PARD3: variants seen among roughly 807,000 people sequenced by gnomAD.
PARD3 encodes the protein par-3 family cell polarity regulator.
PARD3 carries 75 observed loss-of-function variants against 155.4 expected under a neutral mutation model. The observed-to-expected ratio is 0.48, with a 90% CI of 0.40 to 0.58. The LOEUF (loss-of-function observed/expected upper bound fraction) is 0.58, where lower values mean the gene tolerates loss of function less well. Ranked by LOEUF, PARD3 falls within the 20% of genes least tolerant of loss-of-function variation. The pLI is 0.00. For synonymous variants in PARD3, 576 were observed against 610.5 expected, an observed-to-expected ratio of 0.94 and a Z score of 0.83; for missense variants, 1,642 against 1,721.7, an observed-to-expected ratio of 0.95 and a Z score of 0.82.
rs572038346 is a variant in PARD3 at position 34,670,262 on chromosome 10, A to T, written c.222+26056T>A. ...CTTGAGAAGCCTCAAAACACAAGGGACGCCTTCACGAAAGCTGACACCAAT... is the reference window on the plus strand; with the variant it reads ...CTTGAGAAGCCTCAAAACACAAGGGTCGCCTTCACGAAAGCTGACACCAAT... On this transcript the variant is annotated intron_variant, in intron 2 of 24. Coordinates refer to ENST00000374788, the MANE Select transcript of PARD3 (RefSeq NM_001184785.2). 1.5e-4 allele frequency among the ~76,000 whole-genome samples: 23 copies of T among 152,276 alleles called. No individual in the cohort carries two copies. In the South Asian group the frequency reaches 4.8e-3, roughly 32 times the overall value.
At chr10:34,684,192 G>A (rs2093899577) in intron 2 of PARD3, among the ~76,000 whole-genome samples, 1 of 152,172 alleles carries the variant, frequency 6.6e-6, no homozygotes, top group African/African-American at 2.4e-5. Context: ...TTAAGCAGAA[G>A]TAGAATATGG....
At chr10:34,507,148 A>G (rs2081120816) in intron 3 of PARD3, among the ~76,000 whole-genome samples, 1 of 152,220 alleles carries the variant, frequency 6.6e-6, no homozygotes, top group African/African-American at 2.4e-5. Flanking sequence ...TTTAAATGCC[A>G]ATACAGCTCC....
chr10:34,803,950 G>A (rs138672670), intron 1 of PARD3, among the ~76,000 whole-genome samples: 2 of 151,758 alleles, frequency 1.3e-5, no homozygotes, highest in African/African-American at 4.8e-5. Context: ...CATGACAACC[G>A]CTAAAATGCC....
At chr10:34,287,735 C>G (rs934408939) in intron 20 of PARD3, among the ~76,000 whole-genome samples, 3 of 152,160 alleles carry the variant, frequency 2.0e-5, no homozygotes, top group Middle Eastern at 3.2e-3. Flanking sequence ...ATCTTTTTCT[C>G]TTAAGTACGT....
At chr10:34,139,688 G>A (rs115780103) in intron 22 of PARD3, among the ~76,000 whole-genome samples, 236 of 152,276 alleles carry the variant, frequency 1.5e-3, no homozygotes, top group African/African-American at 5.3e-3. Context: ...GACCACCAGC[G>A]TCTCAGATCA....
In PARD3 at chr10:34,309,395, T is replaced by C. The variant is rs190890258; in HGVS notation, c.3065+7712A>G. Among the ~76,000 whole-genome samples the C allele has an allele frequency of 4.0e-5, 6 of 151,650 alleles. No individual in the cohort carries two copies. The East Asian group carries it at 7.9e-4, about 20-fold the overall frequency. On this transcript the variant is annotated intron_variant, in intron 20 of 24. Transcript: ENST00000374788. ...TCAACAAAGTGAGATCCCACCTCTA[T>C]ATAAAATTTAAAAAGTAGTAGGCAC... is the stretch of plus-strand genomic sequence containing the variant.
chr10:34,191,519 A>G (rs371765968), intron 22 of PARD3, among the ~76,000 whole-genome samples: 8 of 152,194 alleles, frequency 5.3e-5, no homozygotes, highest in African/African-American at 1.9e-4. Context: ...AGGAGGAAAC[A>G]CCAACTGTGA....
intron 2 of PARD3, among the ~76,000 whole-genome samples, chr10:34,572,061 T>C (rs988690469): frequency 2.0e-5 from 3 of 152,340 alleles, no homozygotes; most frequent in East Asian, 3.8e-4. Flanking sequence ...TTTGGAACTA[T>C]GAATTACTAG....
chr10:34,517,733 GAAC>G (rs150662195), intron 2 of PARD3, among the ~76,000 whole-genome samples: 2,410 of 152,084 alleles, frequency 0.016, 65 homozygotes, highest in African/African-American at 0.055. Flanking sequence ...CACCAAGAAT[GAAC>G]AAAAGAGTGC....
intron 2 of PARD3, among the ~76,000 whole-genome samples, chr10:34,575,782 G>C (rs1307682445): frequency 1.3e-5 from 2 of 152,098 alleles, no homozygotes; most frequent in Non-Finnish European, 2.9e-5. Flanking sequence ...TGTAATCCCA[G>C]CTACTCAGGA....
At chr10:34,667,859 C>G (rs537863878) in intron 2 of PARD3, among the ~76,000 whole-genome samples, 9 of 152,210 alleles carry the variant, frequency 5.9e-5, no homozygotes, top group Non-Finnish European at 1.3e-4. Flanking sequence ...ATGCTAAGCT[C>G]CATTCTCCTC....
chr10:34,246,839 C>T (rs924324998), intron 22 of PARD3, among the ~76,000 whole-genome samples: 4 of 152,078 alleles, frequency 2.6e-5, no homozygotes, highest in Non-Finnish European at 4.4e-5. Flanking sequence ...AGTTACTCTG[C>T]AACTGGTCTA....
chr10:34,265,973 C>G (rs1955283568), intron 22 of PARD3, among the ~76,000 whole-genome samples: 1 of 152,132 alleles, frequency 6.6e-6, no homozygotes, highest in African/African-American at 2.4e-5. Context: ...CATGGAGCAG[C>G]CACCACCATA....
intron 1 of PARD3, among the ~76,000 whole-genome samples, chr10:34,702,872 C>T (rs561696990): frequency 6.6e-6 from 1 of 152,084 alleles, no homozygotes; most frequent in African/African-American, 2.4e-5. Flanking sequence ...TTAAGAACAC[C>T]CCAAGGATGG....
intron 7 of PARD3, among the ~76,000 whole-genome samples, chr10:34,387,857 A>G (rs1340545017): frequency 6.6e-6 from 1 of 152,180 alleles, no homozygotes; most frequent in African/African-American, 2.4e-5. Flanking sequence ...AAAGCATGTA[A>G]TGTTCCATTT....
intron 20 of PARD3, among the ~76,000 whole-genome samples, chr10:34,313,357 A>T (rs1033564491): frequency 1.1e-4 from 16 of 152,244 alleles, no homozygotes; most frequent in Non-Finnish European, 1.5e-5. Flanking sequence ...TGTGCAAAAG[A>T]TGTAGTATGT....
chr10:34,587,750 C>T (rs2088232047), intron 2 of PARD3, among the ~76,000 whole-genome samples: 1 of 152,160 alleles, frequency 6.6e-6, no homozygotes, highest in Non-Finnish European at 1.5e-5. Flanking sequence ...CGTGCAAGTA[C>T]TATGTAAAAC....
intron 2 of PARD3, among the ~76,000 whole-genome samples, chr10:34,686,846 C>T (rs1488886023): frequency 2.6e-5 from 4 of 151,948 alleles, no homozygotes; most frequent in Non-Finnish European, 4.4e-5. Context: ...GTCAAGAGTT[C>T]GAGACCAGCT....
chr10:34,779,266 A>G (rs1409130865), intron 1 of PARD3, among the ~76,000 whole-genome samples: 2 of 151,780 alleles, frequency 1.3e-5, no homozygotes, highest in Non-Finnish European at 2.9e-5. Flanking sequence ...AGATCATGCC[A>G]CTGCACTCCA....
Sources: allele counts gnomAD v4.1 joint callset (sites outside exome capture counted in the v4.1 genomes callset), GRCh38; gene constraint gnomAD v4.1.1; transcripts MANE v1.5; gene names NCBI Gene and HGNC (gene_info 2026-07-23, HGNC 2026-07-21).